Variants in NBEA observed in about 807,000 individuals in gnomAD.
NBEA encodes the protein lysosomal-trafficking regulator 2.
Under a neutral mutation model 343.4 loss-of-function variants are expected in NBEA, and 44 were observed. The ratio of observed to expected loss-of-function variants is 0.13; its 90% CI spans 0.10 to 0.16. The LOEUF (loss-of-function observed/expected upper bound fraction) is 0.16, where lower values mean the gene tolerates loss of function less well. Ranked by LOEUF, NBEA falls within the 10% of genes least tolerant of loss-of-function variation. The pLI is 1.00. For missense variants in NBEA, 2,555 were observed against 3,631.3 expected, an observed-to-expected ratio of 0.70 and a Z score of 7.62; for synonymous variants, 1,175 against 1,238.7, an observed-to-expected ratio of 0.95 and a Z score of 1.08.
chr13:35,157,266 C>G lies in NBEA; in HGVS notation c.2840C>G (p.Ser947Cys). 6.5e-7 allele frequency: 1 copy of G among 1,541,936 alleles called. No individual in the cohort carries two copies. ...GTGGATACCCTCTCAATAGCCCATTCCAAGGTAACACGGGATTTAACATTT... is the reference window on the plus strand; with the variant it reads ...GTGGATACCCTCTCAATAGCCCATTGCAAGGTAACACGGGATTTAACATTT... Reference protein sequence around the residue: ...VWVDTLSIAHSKVTYEAHKEY... With the variant: ...VWVDTLSIAHCKVTYEAHKEY... Residue 947 changes from serine (S) to cysteine (C), a missense_variant, in exon 21 of 59, where the codon TCC becomes TGC. Ser to Cys is a moderately radical substitution (Grantham distance 112). Coordinates refer to ENST00000379939, the MANE Select transcript of NBEA (RefSeq NM_001385012.1).
chr13:35,436,156 A>C (rs1348972819), intron 39 of NBEA, among the ~76,000 whole-genome samples: 1 of 152,284 alleles, frequency 6.6e-6, no homozygotes, highest in East Asian at 1.9e-4. Context: ...GTCCATGTAA[A>C]AGTTAAAAAA....
intron 37 of NBEA, among the ~76,000 whole-genome samples, chr13:35,349,932 T>C (rs960154101): frequency 9.2e-5 from 14 of 152,120 alleles, no homozygotes; most frequent in African/African-American, 3.1e-4. Flanking sequence ...CCACTATCGC[T>C]TTCAAACACA....
intron 30 of NBEA, among the ~76,000 whole-genome samples, chr13:35,189,415 T>G (rs2072003227): frequency 6.6e-6 from 1 of 152,150 alleles, no homozygotes; most frequent in Non-Finnish European, 1.5e-5. Context: ...GCTGAGTTCC[T>G]TATATATTTT....
At chr13:34,989,567 C>T (rs1566129433) in intron 1 of NBEA, among the ~76,000 whole-genome samples, 5 of 150,826 alleles carry the variant, frequency 3.3e-5, no homozygotes. Context: ...CTCCGTGGTC[C>T]AGTCGTCTCC....
At chr13:35,456,746 A>ACC (rs1380422507) in intron 40 of NBEA, among the ~76,000 whole-genome samples, 5 of 151,970 alleles carry the variant, frequency 3.3e-5, no homozygotes, top group African/African-American at 1.2e-4. Flanking sequence ...TTAGAATGGT[A>ACC]GTTCTGTCAC....
intron 34 of NBEA, among the ~76,000 whole-genome samples, chr13:35,281,498 A>T (rs2035047307): frequency 6.6e-6 from 1 of 151,980 alleles, no homozygotes; most frequent in African/African-American, 2.4e-5. Flanking sequence ...CGCCTGACTG[A>T]CCTCTACTTG....
chr13:35,383,777 AC>A (rs992658537), intron 38 of NBEA, among the ~76,000 whole-genome samples: 2 of 152,142 alleles, frequency 1.3e-5, no homozygotes. Flanking sequence ...ATGAAATTTG[AC>A]CTCGATGACA....
At chr13:35,269,708 G>C (rs1289429539) in intron 34 of NBEA, among the ~76,000 whole-genome samples, 1 of 152,178 alleles carries the variant, frequency 6.6e-6, no homozygotes, top group African/African-American at 2.4e-5. Flanking sequence ...GTGGAGGTTT[G>C]TGTAACTGTT....
rs1158605379 is a variant in NBEA at position 35,615,137 on chromosome 13, AAAAAAAC to A, written c.7449+8566_7449+8572del. Among the ~76,000 whole-genome samples, 28 of 148,820 alleles carry A rather than the reference AAAAAAAC, an allele frequency of 1.9e-4. 1 individual carries two copies. The South Asian group carries it at 2.7e-3, about 15-fold the overall frequency. ...CATCTCTACTAAAAATACAAAAAAA[AAAAAAAC>A]AAAAAAAAATTAACAAGGCATGGTG... is the stretch of plus-strand genomic sequence containing the variant. On this transcript the variant is annotated intron_variant, in intron 48 of 58. Coordinates refer to ENST00000379939, the MANE Select transcript of NBEA (RefSeq NM_001385012.1).
intron 41 of NBEA, among the ~76,000 whole-genome samples, chr13:35,478,232 T>G (rs2075967012): frequency 6.6e-6 from 1 of 152,242 alleles, no homozygotes; most frequent in Non-Finnish European, 1.5e-5. Flanking sequence ...CAGTGATAGA[T>G]TCCAATTTAG....
intron 17 of NBEA, among the ~76,000 whole-genome samples, chr13:35,137,632 C>T (rs181213029): frequency 2.0e-5 from 3 of 152,048 alleles, no homozygotes; most frequent in African/African-American, 7.2e-5. Context: ...CCTCTTTCTT[C>T]CCTTCTCCTT....
chr13:35,054,994 A>G (rs186676822), intron 6 of NBEA, among the ~76,000 whole-genome samples: 106 of 152,158 alleles, frequency 7.0e-4, no homozygotes, highest in Non-Finnish European at 1.2e-3. Flanking sequence ...TGCTCAAAGT[A>G]TTTTAGATAC....
intron 36 of NBEA, among the ~76,000 whole-genome samples, chr13:35,324,314 A>G (rs2038389079): frequency 6.6e-6 from 1 of 152,220 alleles, no homozygotes; most frequent in African/African-American, 2.4e-5. Context: ...ATTGAGTTAC[A>G]TGGACTGATT....
rs374863699 is a variant in NBEA at position 35,624,201 on chromosome 13, CA to C, written c.7450-3875del. 5.4e-3 allele frequency among the ~76,000 whole-genome samples: 827 copies of C among 152,008 alleles called. 6 individuals are homozygous for C. The highest frequency in any genetic ancestry group is 0.019 in the African/African-American group (777 of 41,484). Reference sequence around the variant, plus strand: ...GGCTAAGAACAATTCTATAAGAAAACAAAAAGTTGTAGGTGTAACTACTAAG... The same window carrying C: ...GGCTAAGAACAATTCTATAAGAAAACAAAAGTTGTAGGTGTAACTACTAAG... On this transcript the variant is annotated intron_variant, in intron 48 of 58. Transcript: ENST00000379939.
intron 18 of NBEA, among the ~76,000 whole-genome samples, chr13:35,155,560 G>T (rs1263554017): frequency 6.6e-6 from 1 of 152,186 alleles, no homozygotes; most frequent in East Asian, 1.9e-4. Context: ...ATGAGGTGGA[G>T]GTTGAAGCCA....
At chr13:35,640,479 A>G (rs1207934411) in intron 49 of NBEA, among the ~76,000 whole-genome samples, 1 of 152,240 alleles carries the variant, frequency 6.6e-6, no homozygotes, top group Non-Finnish European at 1.5e-5. Context: ...TGTACAGGGC[A>G]TAAACAGCAT....
chr13:35,252,848 A>G (rs1014178557), intron 34 of NBEA, among the ~76,000 whole-genome samples: 1 of 152,180 alleles, frequency 6.6e-6, no homozygotes, highest in Non-Finnish European at 1.5e-5. Flanking sequence ...ATGGGCCTGA[A>G]TGTTGCCCCC....
chr13:35,125,206 T>C (rs192343058), intron 17 of NBEA, among the ~76,000 whole-genome samples: 36 of 152,150 alleles, frequency 2.4e-4, no homozygotes, highest in East Asian at 7.7e-4. Context: ...AAGTAGAAGA[T>C]AGATGCAAAA....
At chr13:35,587,084 C>T (rs1382850361) in intron 46 of NBEA, among the ~76,000 whole-genome samples, 1 of 152,152 alleles carries the variant, frequency 6.6e-6, no homozygotes, top group East Asian at 1.9e-4. Context: ...AAACTACATT[C>T]TCAATCATTA....
Sources: gnomAD v4.1 joint callset for allele counts (sites outside exome capture counted in the v4.1 genomes callset) on GRCh38, gnomAD v4.1.1 for gene constraint, MANE v1.5 for transcripts, NCBI Gene and HGNC (gene_info 2026-07-23, HGNC 2026-07-21) for gene names.